Variants in PARD3B observed in about 807,000 individuals in gnomAD.
The protein encoded by PARD3B is par-3 family cell polarity regulator beta.
A neutral mutation model predicts 130.2 loss-of-function variants in PARD3B; 103 were observed. That is an observed-to-expected ratio of 0.79 (90% CI 0.67 to 0.93). PARD3B has a LOEUF of 0.93. Ranked by LOEUF, PARD3B falls within the 40% of genes least tolerant of loss-of-function variation. The pLI, the probability that PARD3B is intolerant of heterozygous loss-of-function variation, is 0.00. For missense variants in PARD3B, 1,609 were observed against 1,499.2 expected (o/e 1.07, Z -1.21); for synonymous variants, 583 against 553.2 (o/e 1.05, Z -0.76).
At chr2:204,889,209 C>A (rs370641934) in intron 2 of PARD3B, among the ~76,000 whole-genome samples, 132 of 152,316 alleles carry the variant, frequency 8.7e-4, no homozygotes, top group Middle Eastern at 3.4e-3. Flanking sequence ...CACATCAAAT[C>A]TATTGCTTCT....
At chr2:205,005,425 T>G (rs1695179697) in intron 3 of PARD3B, among the ~76,000 whole-genome samples, 1 of 152,086 alleles carries the variant, frequency 6.6e-6, no homozygotes, top group Admixed American at 6.6e-5. Context: ...AGGGCACAAG[T>G]TTTCTATTTA....
chr2:204,699,288 C>T (rs1243283984), intron 2 of PARD3B, among the ~76,000 whole-genome samples: 2 of 152,078 alleles, frequency 1.3e-5, no homozygotes, highest in African/African-American at 2.4e-5. Flanking sequence ...GGGTTGCTTA[C>T]GCTTGGACAC....
rs2047072849 is a variant in PARD3B, at chr2:204,907,330, A to C, written c.223-57822A>C. On this transcript the variant is annotated intron_variant, in intron 2 of 22. Coordinates refer to ENST00000406610, the MANE Select transcript of PARD3B (RefSeq NM_001302769.2). This position sits in a 1 kb window ranked among gnomAD's most constrained non-coding sequence, Gnocchi z 5.7. ...ACTAGGGCTGTGACAGATGATGTGA[A>C]TCCATAGGGCCATGCTTCTAGGTCT... 6.6e-6 allele frequency among the ~76,000 whole-genome samples: 1 copy of C among 152,164 alleles called. No individual in the cohort carries two copies. The highest frequency in any genetic ancestry group is 1.5e-5 in the Non-Finnish European group (1 of 68,034).
At chr2:205,207,496 G>C (rs2037385133) in intron 15 of PARD3B, among the ~76,000 whole-genome samples, 1 of 144,952 alleles carries the variant, frequency 6.9e-6, no homozygotes, top group Non-Finnish European at 1.5e-5. Context: ...AAAAAAGAGA[G>C]ATGAATCAAA....
intron 20 of PARD3B, among the ~76,000 whole-genome samples, chr2:205,474,379 T>A (rs1010429549): frequency 2.0e-5 from 3 of 152,298 alleles, no homozygotes; most frequent in Non-Finnish European, 4.4e-5. Context: ...ATAAAATATA[T>A]CATTTGTGCA....
chr2:205,076,382 A>G (rs1701063863), intron 4 of PARD3B, among the ~76,000 whole-genome samples: 1 of 152,222 alleles, frequency 6.6e-6, no homozygotes, highest in African/African-American at 2.4e-5. Context: ...ATTTAGCATC[A>G]CATCTGAGGA....
intron 20 of PARD3B, among the ~76,000 whole-genome samples, chr2:205,455,393 A>G (rs1266273939): frequency 6.6e-6 from 1 of 152,116 alleles, no homozygotes; most frequent in African/African-American, 2.4e-5. Flanking sequence ...GGCAGTTAAT[A>G]AGCACCATTT....
intron 2 of PARD3B, among the ~76,000 whole-genome samples, chr2:204,889,202 A>G (rs145006550): frequency 2.6e-5 from 4 of 152,296 alleles, no homozygotes; most frequent in Admixed American, 6.5e-5. Context: ...CTCTGAGCAC[A>G]TCAAATCTAT....
intron 15 of PARD3B, among the ~76,000 whole-genome samples, chr2:205,220,136 G>A (rs939714824): frequency 1.1e-4 from 16 of 152,092 alleles, no homozygotes; most frequent in African/African-American, 3.4e-4. Flanking sequence ...TATTTTCCAC[G>A]CTGCAGCCTG....
chr2:204,940,876 G>A (rs1369292376), intron 2 of PARD3B, among the ~76,000 whole-genome samples: 3 of 151,802 alleles, frequency 2.0e-5, no homozygotes, highest in Non-Finnish European at 2.9e-5. Context: ...AGTGTCCTTA[G>A]CCTAAGGAGC....
intron 4 of PARD3B, 176 bp downstream of exon 4, chr2:205,047,866 G>C (rs1171998645): frequency 2.1e-6 from 1 of 484,430 alleles, no homozygotes; most frequent in East Asian, 3.2e-5. Context: ...TAGTTATAGC[G>C]ATAGCTATTA....
At chr2:204,933,691 C>T (rs990953031) in intron 2 of PARD3B, among the ~76,000 whole-genome samples, 3 of 152,194 alleles carry the variant, frequency 2.0e-5, no homozygotes, top group Non-Finnish European at 2.9e-5. Context: ...TTGGTTCAAA[C>T]ATTTAATAAA....
At chr2:204,964,587 C>T (rs1691059879) in intron 2 of PARD3B, among the ~76,000 whole-genome samples, 1 of 151,946 alleles carries the variant, frequency 6.6e-6, no homozygotes, top group African/African-American at 2.4e-5. Context: ...AAGGCATGTA[C>T]AAAAATGGGA....
At chr2:205,049,710 G>A (rs55745925) in intron 4 of PARD3B, among the ~76,000 whole-genome samples, 15,185 of 152,120 alleles carry the variant, frequency 0.1, 1,026 homozygotes, top group Non-Finnish European at 0.15. Context: ...TGGGGTATGG[G>A]GCAGAAAGAC....
At chr2:204,811,824 A>C (rs1432737996) in intron 2 of PARD3B, among the ~76,000 whole-genome samples, 5 of 152,252 alleles carry the variant, frequency 3.3e-5, no homozygotes, top group African/African-American at 9.6e-5. Context: ...AAAAACAAAA[A>C]ACAAAAAACT....
At chr2:204,921,357 A>C (rs2047670854) in intron 2 of PARD3B, among the ~76,000 whole-genome samples, 1 of 152,222 alleles carries the variant, frequency 6.6e-6, no homozygotes, top group Non-Finnish European at 1.5e-5. Context: ...GAAATCTGTT[A>C]ATAATAAGCC....
chr2:205,220,208 C>T (rs1350206006), intron 15 of PARD3B, among the ~76,000 whole-genome samples: 2 of 152,136 alleles, frequency 1.3e-5, no homozygotes, highest in African/African-American at 4.8e-5. Context: ...CCCTTAACAA[C>T]ATCCCATTGC....
intron 18 of PARD3B, among the ~76,000 whole-genome samples, chr2:205,360,106 T>A (rs1376336938): frequency 6.6e-6 from 1 of 152,230 alleles, no homozygotes; most frequent in Non-Finnish European, 1.5e-5. Flanking sequence ...TTTGAATGCA[T>A]ATCAAGTTGT....
rs1378796061 is a variant in PARD3B, at chr2:205,617,615, A to G, written c.*1802A>G. On this transcript the variant is annotated 3_prime_UTR_variant, in exon 23 of 23. Transcript: ENST00000406610. ...ATGGCCCTGTTGAAAACAGACTATC[A>G]AGTTTTTTGTCTCTGTTCTGTCATC... The G allele has an allele frequency of 1.3e-5, 2 of 152,046 alleles. No individual in the cohort carries two copies. Among genetic ancestry groups the G allele is most frequent in the African/African-American group, 4.8e-5 (2 of 41,414 alleles). The allele number at this position is 152,046 out of a possible 1,614,324, so 9.4% of individuals were successfully genotyped here. A position where few individuals can be genotyped will look rare whatever the true frequency, so the allele number is the denominator to read the frequency against.
Sources: gnomAD v4.1 joint callset for allele counts (sites outside exome capture counted in the v4.1 genomes callset) on GRCh38, gnomAD v4.1.1 for gene constraint, Gnocchi (gnomAD v3.1) non-coding constraint, MANE v1.5 for transcripts, NCBI Gene and HGNC (gene_info 2026-07-23, HGNC 2026-07-21) for gene names.